The following NLGN1 variants were observed in gnomAD, a reference collection of about 807,000 sequenced individuals.
NLGN1 encodes neuroligin 1, also known as neuroligin-1.
NLGN1 carries 12 observed loss-of-function variants against 65.5 expected under a neutral mutation model. The ratio of observed to expected loss-of-function variants is 0.18; its 90% CI spans 0.12 to 0.30. The LOEUF (loss-of-function observed/expected upper bound fraction) is 0.30, where lower values mean the gene tolerates loss of function less well. Among genes scored for constraint, NLGN1 ranks in the 10% least tolerant of loss-of-function variants. The pLI is 1.00. For synonymous variants in NLGN1, 350 were observed against 359.5 expected, an observed-to-expected ratio of 0.97 and a Z score of 0.30; for missense variants, 750 against 1,007.1, an observed-to-expected ratio of 0.74 and a Z score of 3.46.
chr3:173,552,604 A>G (rs780987683), intron 2 of NLGN1, among the ~76,000 whole-genome samples: 3 of 151,958 alleles, frequency 2.0e-5, no homozygotes, highest in African/African-American at 4.8e-5. Flanking sequence ...GGTAACAAGG[A>G]CTCTCCACAA....
intron 4 of NLGN1, among the ~76,000 whole-genome samples, chr3:173,867,523 GT>G (rs1187899764): frequency 6.6e-6 from 1 of 151,914 alleles, no homozygotes; most frequent in Non-Finnish European, 1.5e-5. Context: ...TAAAGAATCT[GT>G]TTTCCATAAG....
chr3:173,448,513 C>G (rs1011947531), intron 2 of NLGN1, among the ~76,000 whole-genome samples: 3 of 152,120 alleles, frequency 2.0e-5, no homozygotes, highest in Non-Finnish European at 4.4e-5. Flanking sequence ...GGATATTGGT[C>G]TAAAATTCTC....
intron 4 of NLGN1, among the ~76,000 whole-genome samples, chr3:173,812,747 A>ATGTG (rs1294938885): frequency 2.8e-5 from 4 of 144,088 alleles, no homozygotes; most frequent in Non-Finnish European, 4.5e-5. Context: ...CATACTATAT[A>ATGTG]TGTGTGTGCG....
intron 2 of NLGN1, among the ~76,000 whole-genome samples, chr3:173,599,937 A>G (rs989238431): frequency 3.9e-5 from 6 of 152,048 alleles, no homozygotes; most frequent in African/African-American, 1.4e-4. Context: ...CTTTATGAAC[A>G]CAGATTGGAG....
intron 4 of NLGN1, among the ~76,000 whole-genome samples, chr3:174,137,069 T>A (rs1721358407): frequency 6.6e-6 from 1 of 152,086 alleles, no homozygotes; most frequent in Non-Finnish European, 1.5e-5. Context: ...GTGTTGAATA[T>A]CTCATGTAAT....
At chr3:173,688,648 C>T (rs1017471647) in intron 3 of NLGN1, among the ~76,000 whole-genome samples, 1 of 152,174 alleles carries the variant, frequency 6.6e-6, no homozygotes, top group Non-Finnish European at 1.5e-5. Context: ...AGGCAAGTCA[C>T]GTGGTCTCTT....
intron 4 of NLGN1, among the ~76,000 whole-genome samples, chr3:174,182,785 C>G (rs16857540): frequency 0.22 from 32,985 of 152,052 alleles, 4,285 homozygotes; most frequent in African/African-American, 0.36. Flanking sequence ...CCTGTTCCTA[C>G]TCAGCTTATA....
At chr3:174,281,508 C>A in exon 7 of NLGN1, 1 of 479,624 alleles carries the variant, frequency 2.1e-6, no homozygotes, top group Non-Finnish European at 3.7e-6. Context: ...TTGCTTGAAG[C>A]AATTGTTCTG....
chr3:173,522,635 A>G (rs966221016), intron 2 of NLGN1, among the ~76,000 whole-genome samples: 9 of 151,944 alleles, frequency 5.9e-5, no homozygotes, highest in African/African-American at 1.4e-4. Flanking sequence ...GGGTTTCACC[A>G]TGTTAGCCAG....
chr3:173,804,520 T>G (rs951930272), intron 3 of NLGN1, among the ~76,000 whole-genome samples: 1 of 152,078 alleles, frequency 6.6e-6, no homozygotes, highest in Non-Finnish European at 1.5e-5. Context: ...TTCAACATTA[T>G]TATTAAAATG....
intron 3 of NLGN1, among the ~76,000 whole-genome samples, chr3:173,741,359 T>C (rs1049123938): frequency 5.3e-5 from 8 of 152,140 alleles, no homozygotes; most frequent in Admixed American, 2.0e-4. Context: ...AAATATTTCT[T>C]ATATACCTAC....
intron 4 of NLGN1, among the ~76,000 whole-genome samples, chr3:173,954,030 T>C (rs1330970789): frequency 1.3e-5 from 2 of 152,096 alleles, no homozygotes; most frequent in African/African-American, 4.8e-5. Context: ...ATAAATGAGG[T>C]ATCTGAGAGA....
At chr3:173,629,343 C>T (rs942761305) in intron 3 of NLGN1, among the ~76,000 whole-genome samples, 4 of 151,746 alleles carry the variant, frequency 2.6e-5, no homozygotes, top group Middle Eastern at 6.9e-3. Context: ...ATTGGAAACT[C>T]GGGCTCAAAC....
intron 2 of NLGN1, among the ~76,000 whole-genome samples, chr3:173,522,261 C>A (rs544540625): frequency 6.6e-6 from 1 of 152,326 alleles, no homozygotes; most frequent in Non-Finnish European, 1.5e-5. Flanking sequence ...TGGCCCCGTT[C>A]ATGTCACTGC....
rs947380943 is a variant in NLGN1, at chr3:173,822,031, A to G, written c.646+14199A>G. ...TCTGCCAGGTTTTATTCATTTTTTA[A>G]TATCAGAAGGTTGTGAAACATGACA... is the stretch of plus-strand genomic sequence containing the variant. On this transcript the variant is annotated intron_variant, in intron 4 of 6. Coordinates refer to ENST00000457714, the Ensembl canonical transcript of NLGN1. 3.9e-5 allele frequency among the ~76,000 whole-genome samples: 6 copies of G among 152,158 alleles called. No individual in the cohort carries two copies. The East Asian group carries it at 1.2e-3, about 29-fold the overall frequency.
At position 173,579,827 on chromosome 3, in the gene NLGN1, A is replaced by G. The variant is rs1746099542; in HGVS notation, c.-320-24452A>G. Among the ~76,000 whole-genome samples the G allele has an allele frequency of 1.3e-5, 2 of 152,210 alleles. 1 individual carries two copies. Among genetic ancestry groups the G allele is most frequent in the South Asian group, 4.1e-4 (2 of 4,832 alleles). ...TTTAGATTCAAGTCTTGAGCACTTA[A>G]TATGAGGTTACATCAGGGGAGTTCT... On this transcript the variant is annotated intron_variant, in intron 2 of 6. Transcript: ENST00000457714.
At chr3:174,266,032 G>GTATA (rs3036872) in intron 4 of NLGN1, among the ~76,000 whole-genome samples, 89 of 129,762 alleles carry the variant, frequency 6.9e-4, no homozygotes, top group African/African-American at 2.4e-4. Context: ...GTGTGTGTGT[G>GTATA]TATATATATA....
chr3:173,974,540 A>G (rs761115958), intron 4 of NLGN1, among the ~76,000 whole-genome samples: 3 of 152,108 alleles, frequency 2.0e-5, no homozygotes, highest in Non-Finnish European at 2.9e-5. Context: ...GAACTAAAAT[A>G]TGTTTTTTAA....
intron 4 of NLGN1, among the ~76,000 whole-genome samples, chr3:174,078,494 T>G (rs182457165): frequency 3.0e-4 from 45 of 152,286 alleles, no homozygotes; most frequent in African/African-American, 9.9e-4. Context: ...TATTTATGTG[T>G]GTATAGGATT....
Sources: gnomAD v4.1 joint callset for allele counts (sites outside exome capture counted in the v4.1 genomes callset) on GRCh38, gnomAD v4.1.1 for gene constraint, MANE v1.5 for transcripts, NCBI Gene and HGNC (gene_info 2026-07-23, HGNC 2026-07-21) for gene names.